Variants in ASAP1 observed in about 807,000 individuals in gnomAD.
The protein encoded by ASAP1 is arf-GAP with SH3 domain, ANK repeat and PH domain-containing protein 1.
Under a neutral mutation model 145.2 loss-of-function variants are expected in ASAP1, and 43 were observed. The observed-to-expected ratio is 0.30, with a 90% confidence interval of 0.23 to 0.38. ASAP1 has a LOEUF of 0.38. Ranked by LOEUF, ASAP1 falls within the 10% of genes least tolerant of loss-of-function variation. The pLI is 1.00. For missense variants in ASAP1, 1,018 were observed against 1,355.3 expected (o/e 0.75, Z 3.91); for synonymous variants, 546 against 515.5 (o/e 1.06, Z -0.80).
intron 4 of ASAP1, among the ~76,000 whole-genome samples, chr8:130,219,868 C>T (rs1817187808): frequency 1.3e-5 from 2 of 152,170 alleles, no homozygotes; most frequent in Non-Finnish European, 2.9e-5. Context: ...TGGCTCACTG[C>T]AGCCTCAACC....
At chr8:130,174,883 T>C (rs1813847112) in intron 9 of ASAP1, among the ~76,000 whole-genome samples, 1 of 152,252 alleles carries the variant, frequency 6.6e-6, no homozygotes, top group South Asian at 2.1e-4. Flanking sequence ...CCACATTTTG[T>C]TTAACCTTTT....
At chr8:130,170,192 CT>C (rs34038220) in intron 9 of ASAP1, among the ~76,000 whole-genome samples, 103,425 of 148,950 alleles carry the variant, frequency 0.69, 35,790 homozygotes, top group South Asian at 0.78. Context: ...TAAGGAATAT[CT>C]TTTTTTTTTT....
intron 4 of ASAP1, among the ~76,000 whole-genome samples, chr8:130,229,086 T>G (rs1817757561): frequency 6.6e-6 from 1 of 152,310 alleles, no homozygotes; most frequent in African/African-American, 2.4e-5. Context: ...AACCTCTAAA[T>G]GTTCTGTCTT....
At chr8:130,367,416 C>T (rs1827008085) in intron 2 of ASAP1, among the ~76,000 whole-genome samples, 1 of 152,206 alleles carries the variant, frequency 6.6e-6, no homozygotes, top group Admixed American at 6.5e-5. Context: ...CACAGCCCAG[C>T]TAGATCTATT....
At chr8:130,122,448 A>G (rs1375410601) in intron 18 of ASAP1, among the ~76,000 whole-genome samples, 1 of 152,242 alleles carries the variant, frequency 6.6e-6, no homozygotes, top group Non-Finnish European at 1.5e-5. Context: ...TAGTAGTAGT[A>G]GTAAATACTT....
intron 25 of ASAP1, among the ~76,000 whole-genome samples, chr8:130,082,408 C>T (rs1443973539): frequency 6.6e-6 from 1 of 151,306 alleles, no homozygotes; most frequent in East Asian, 1.9e-4. Context: ...GTCTAAGTTG[C>T]CCAGGCTGGT....
intron 13 of ASAP1, among the ~76,000 whole-genome samples, chr8:130,150,274 A>C (rs2097642928): frequency 6.6e-6 from 1 of 152,218 alleles, no homozygotes; most frequent in Non-Finnish European, 1.5e-5. Context: ...GAATGCATAT[A>C]AACAGTTGTT....
chr8:130,335,732 T>C (rs1314611864), intron 3 of ASAP1, among the ~76,000 whole-genome samples: 1 of 152,186 alleles, frequency 6.6e-6, no homozygotes, highest in African/African-American at 2.4e-5. Context: ...TAAGGACTAC[T>C]GGGCTCTTTG....
chr8:130,347,156 G>A (rs933191274), intron 3 of ASAP1, among the ~76,000 whole-genome samples: 4 of 152,316 alleles, frequency 2.6e-5, no homozygotes, highest in Admixed American at 2.0e-4. Flanking sequence ...GGATATCTAC[G>A]GAAAGATTAT....
At chr8:130,366,944 T>C (rs1826985423) in intron 2 of ASAP1, among the ~76,000 whole-genome samples, 1 of 141,654 alleles carries the variant, frequency 7.1e-6, no homozygotes, top group Non-Finnish European at 1.5e-5. Flanking sequence ...CAGGCTGGAG[T>C]GCAGTGGCAC....
At chr8:130,068,589 G>A (rs180894540) in intron 27 of ASAP1, among the ~76,000 whole-genome samples, 1 of 152,270 alleles carries the variant, frequency 6.6e-6, no homozygotes, top group Non-Finnish European at 1.5e-5. Flanking sequence ...GGATTGATGG[G>A]ACCCACAGCT....
Position 130,262,413 on chromosome 8 carries a change from AAAAAGAGAGAGAGAGAGAG to A in ASAP1, c.187-25438_187-25420del, listed in dbSNP as rs1819969892. On this transcript the variant is annotated intron_variant, in intron 3 of 29. Coordinates refer to ENST00000518721, the MANE Select transcript of ASAP1 (RefSeq NM_018482.4). ...ATCTCAAAAAAAAAAAAAAAAAAAAAAAAAGAGAGAGAGAGAGAGAGAGAGAGAGAGAGAGAGAGAGAGA... is the reference window on the plus strand; with the variant it reads ...ATCTCAAAAAAAAAAAAAAAAAAAAAAGAGAGAGAGAGAGAGAGAGAGAGA... 4.4e-5 allele frequency among the ~76,000 whole-genome samples: 4 copies of A among 90,002 alleles called. 1 individual carries two copies. The highest frequency in any genetic ancestry group is 1.1e-3 in the South Asian group (2 of 1,740). The allele number at this position is 90,002 out of a possible 152,430, so 59.0% of individuals were successfully genotyped here.
At chr8:130,266,228 T>A (rs761193092) in intron 3 of ASAP1, among the ~76,000 whole-genome samples, 2 of 151,014 alleles carry the variant, frequency 1.3e-5, no homozygotes, top group African/African-American at 4.9e-5. Flanking sequence ...GGGGTAGGAG[T>A]GAAGGTGCGG....
At chr8:130,231,423 AC>A (rs537267729) in intron 4 of ASAP1, among the ~76,000 whole-genome samples, 7 of 152,328 alleles carry the variant, frequency 4.6e-5, no homozygotes, top group African/African-American at 1.7e-4. Flanking sequence ...TAAAGGATTT[AC>A]AAGCCTCAAC....
intron 4 of ASAP1, among the ~76,000 whole-genome samples, chr8:130,230,750 G>T (rs1817865465): frequency 6.6e-6 from 1 of 152,004 alleles, no homozygotes; most frequent in Admixed American, 6.6e-5. Context: ...AAAAAATCTG[G>T]CTATCCACAA....
intron 11 of ASAP1, among the ~76,000 whole-genome samples, chr8:130,164,632 T>C (rs1042060893): frequency 2.0e-5 from 3 of 152,188 alleles, no homozygotes; most frequent in African/African-American, 4.8e-5. Flanking sequence ...AAAACAGTTA[T>C]ATAGCAAATA....
At chr8:130,229,056 G>A (rs72722394) in intron 4 of ASAP1, among the ~76,000 whole-genome samples, 5,292 of 152,232 alleles carry the variant, frequency 0.035, 126 homozygotes, top group Middle Eastern at 0.065. Context: ...CAAACTAGCC[G>A]AGCAAAGTCA....
chr8:130,404,254 G>A (rs149332908), intron 1 of ASAP1, among the ~76,000 whole-genome samples: 2 of 152,182 alleles, frequency 1.3e-5, no homozygotes, highest in African/African-American at 4.8e-5. Flanking sequence ...AACAGCAATT[G>A]AATCTTCCTG....
chr8:130,346,576 T>C (rs1393217485), intron 3 of ASAP1, among the ~76,000 whole-genome samples: 3 of 152,224 alleles, frequency 2.0e-5, no homozygotes, highest in African/African-American at 7.2e-5. Flanking sequence ...GGGAGGATTA[T>C]ATGAGACGAT....
Sources: gnomAD v4.1 joint callset for allele counts (sites outside exome capture counted in the v4.1 genomes callset) on GRCh38, gnomAD v4.1.1 for gene constraint, MANE v1.5 for transcripts, NCBI Gene and HGNC (gene_info 2026-07-23, HGNC 2026-07-21) for gene names.